STXBP5L: variants seen among roughly 807,000 people sequenced by gnomAD.
STXBP5L encodes the protein syntaxin binding protein 5L.
Under a neutral mutation model 144.5 loss-of-function variants are expected in STXBP5L, and 65 were observed. The ratio of observed to expected loss-of-function variants is 0.45; its 90% CI spans 0.37 to 0.55. The LOEUF (loss-of-function observed/expected upper bound fraction) is 0.55, where lower values mean the gene tolerates loss of function less well. Among genes scored for constraint, STXBP5L ranks in the 20% least tolerant of loss-of-function variants. The pLI, the probability that STXBP5L is intolerant of heterozygous loss-of-function variation, is 0.00. For synonymous variants in STXBP5L, 505 were observed against 469.6 expected, an observed-to-expected ratio of 1.08 and a Z score of -0.97; for missense variants, 1,298 against 1,405.5, an observed-to-expected ratio of 0.92 and a Z score of 1.22.
At chr3:121,336,195 A>T (rs1576205928) in intron 20 of STXBP5L, among the ~76,000 whole-genome samples, 1 of 152,244 alleles carries the variant, frequency 6.6e-6, no homozygotes, top group East Asian at 1.9e-4. Context: ...AGAGAAATGC[A>T]AATCAAAACC....
chr3:121,262,500 C>T (rs1466759014), intron 18 of STXBP5L, among the ~76,000 whole-genome samples: 2 of 151,974 alleles, frequency 1.3e-5, no homozygotes, highest in Non-Finnish European at 2.9e-5. Context: ...CGTGATGGCA[C>T]GTGCCTGTAA....
chr3:121,310,385 T>C (rs1034698790), intron 19 of STXBP5L, among the ~76,000 whole-genome samples: 1 of 151,470 alleles, frequency 6.6e-6, no homozygotes, highest in Admixed American at 6.6e-5. Flanking sequence ...CCGAGGCGGG[T>C]GGATCACGAG....
intron 13 of STXBP5L, among the ~76,000 whole-genome samples, chr3:121,240,204 T>C (rs1283728325): frequency 1.3e-5 from 2 of 152,160 alleles, no homozygotes; most frequent in African/African-American, 4.8e-5. Flanking sequence ...TTCTTTGATT[T>C]GTTTATATAA....
At chr3:121,192,084 C>A (rs1404494747) in intron 9 of STXBP5L, among the ~76,000 whole-genome samples, 1 of 151,812 alleles carries the variant, frequency 6.6e-6, no homozygotes, top group African/African-American at 2.4e-5. Flanking sequence ...AGCCTAGAAC[C>A]GAAAGTATAA....
At chr3:121,000,725 C>A (rs1943705734) in intron 3 of STXBP5L, among the ~76,000 whole-genome samples, 1 of 152,196 alleles carries the variant, frequency 6.6e-6, no homozygotes, top group Non-Finnish European at 1.5e-5. Context: ...TGCACTGATT[C>A]TCATCTGTGT....
chr3:121,236,917 T>A (rs1173255728), intron 12 of STXBP5L, among the ~76,000 whole-genome samples: 1 of 152,208 alleles, frequency 6.6e-6, no homozygotes, highest in African/African-American at 2.4e-5. Context: ...GTAACAAGTC[T>A]CATGTAGCTT....
chr3:121,232,511 A>G (rs2049341569), intron 11 of STXBP5L, among the ~76,000 whole-genome samples: 1 of 152,210 alleles, frequency 6.6e-6, no homozygotes, highest in Non-Finnish European at 1.5e-5. Flanking sequence ...GACAGGAACC[A>G]AGAGTAAATC....
intron 3 of STXBP5L, among the ~76,000 whole-genome samples, chr3:120,962,336 C>T (rs1337699310): frequency 1.3e-5 from 2 of 152,190 alleles, no homozygotes; most frequent in Non-Finnish European, 2.9e-5. Context: ...GTGTTTTAGT[C>T]ATGAATTCCT....
chr3:121,407,776 G>C, intron 23 of STXBP5L, 173 bp downstream of exon 23: 1 of 973,040 alleles, frequency 1.0e-6, no homozygotes, highest in Non-Finnish European at 1.4e-6. Context: ...TGGGGGTTTT[G>C]TGTTTTGTTT....
intron 3 of STXBP5L, among the ~76,000 whole-genome samples, chr3:120,978,955 C>A (rs934314574): frequency 6.6e-6 from 1 of 152,202 alleles, no homozygotes; most frequent in Non-Finnish European, 1.5e-5. Context: ...TCTGCCCTTA[C>A]TGGGGGGTGC....
chr3:121,192,693 A>C (rs1360701335), intron 9 of STXBP5L, among the ~76,000 whole-genome samples: 1 of 152,206 alleles, frequency 6.6e-6, no homozygotes, highest in Non-Finnish European at 1.5e-5. Context: ...CTCATCTTCA[A>C]CAAACCTGAC....
intron 10 of STXBP5L, 144 bp downstream of exon 10, chr3:121,206,145 A>C: frequency 2.2e-6 from 1 of 444,556 alleles, no homozygotes; most frequent in South Asian, 5.4e-5. Context: ...GACTTGTCTC[A>C]TAGACATATC....
chr3:121,288,692 T>G (rs1043583176), intron 19 of STXBP5L, among the ~76,000 whole-genome samples: 3 of 152,170 alleles, frequency 2.0e-5, no homozygotes, highest in African/African-American at 7.2e-5. Context: ...TAAAATCATT[T>G]TTTTTGTTAC....
chr3:120,975,037 G>T (rs1940785660), intron 3 of STXBP5L, among the ~76,000 whole-genome samples: 1 of 152,066 alleles, frequency 6.6e-6, no homozygotes, highest in Non-Finnish European at 1.5e-5. Flanking sequence ...CTCTTTTTTG[G>T]TTCCGTATGA....
intron 19 of STXBP5L, among the ~76,000 whole-genome samples, chr3:121,311,672 A>G (rs201296546): frequency 6.6e-6 from 1 of 152,172 alleles, no homozygotes; most frequent in African/African-American, 2.4e-5. Flanking sequence ...ACTACAAACC[A>G]CTGCTCAATG....
intron 8 of STXBP5L, among the ~76,000 whole-genome samples, chr3:121,154,317 T>C (rs1325696176): frequency 6.6e-6 from 1 of 151,778 alleles, no homozygotes; most frequent in Non-Finnish European, 1.5e-5. Flanking sequence ...CTCAGCACTT[T>C]ACCTCTCATA....
chr3:121,363,198 G>T (rs989603355), intron 20 of STXBP5L, among the ~76,000 whole-genome samples: 8 of 152,052 alleles, frequency 5.3e-5, no homozygotes, highest in African/African-American at 1.7e-4. Context: ...GTGCAGCCTG[G>T]GGTTATGGGA....
intron 5 of STXBP5L, among the ~76,000 whole-genome samples, chr3:121,071,550 T>G (rs768971916): frequency 1.3e-5 from 2 of 152,206 alleles, no homozygotes; most frequent in East Asian, 3.8e-4. Flanking sequence ...GCTGCTGGTT[T>G]CAGCCAGCTA....
intron 20 of STXBP5L, among the ~76,000 whole-genome samples, chr3:121,346,008 G>A (rs1055121219): frequency 6.6e-6 from 1 of 151,662 alleles, no homozygotes; most frequent in African/African-American, 2.4e-5. Context: ...CAACGTGCGG[G>A]TTTGTTGCAT....
Sources: gnomAD v4.1 joint callset for allele counts (sites outside exome capture counted in the v4.1 genomes callset) on GRCh38, gnomAD v4.1.1 for gene constraint, MANE v1.5 for transcripts, NCBI Gene and HGNC (gene_info 2026-07-23, HGNC 2026-07-21) for gene names.